Variants in L3MBTL4 observed in about 807,000 individuals in gnomAD.
L3MBTL4 encodes the protein lethal(3)malignant brain tumor-like protein 4.
Under a neutral mutation model 84.5 loss-of-function variants are expected in L3MBTL4, and 70 were observed. The ratio of observed to expected loss-of-function variants is 0.83; its 90% CI spans 0.68 to 1.01. The LOEUF is 1.01. L3MBTL4 is among the 50% of genes least tolerant of loss of function. The probability of loss-of-function intolerance (pLI) is 0.00; values close to 1 mark genes in which losing one functional copy is unlikely to be tolerated. For synonymous variants in L3MBTL4, 274 were observed against 259.8 expected, an observed-to-expected ratio of 1.05 and a Z score of -0.52; for missense variants, 715 against 754.8, an observed-to-expected ratio of 0.95 and a Z score of 0.62.
chr18:6,016,031 A>C (rs1473768409), intron 16 of L3MBTL4, among the ~76,000 whole-genome samples: 2 of 152,218 alleles, frequency 1.3e-5, no homozygotes, highest in African/African-American at 4.8e-5. Flanking sequence ...ACCACTGCGG[A>C]AGATGAACGC....
At chr18:6,264,329 G>C (rs187104080) in intron 4 of L3MBTL4, among the ~76,000 whole-genome samples, 1 of 152,234 alleles carries the variant, frequency 6.6e-6, no homozygotes, top group African/African-American at 2.4e-5. Context: ...TCTCTAAGAG[G>C]GTGAACAGGC....
At chr18:6,325,974 T>C (rs2051696462) in intron 1 of L3MBTL4, among the ~76,000 whole-genome samples, 1 of 152,206 alleles carries the variant, frequency 6.6e-6, no homozygotes, top group South Asian at 2.1e-4. Flanking sequence ...TCTCACCAGA[T>C]CTTTTGTAAG....
intron 4 of L3MBTL4, among the ~76,000 whole-genome samples, chr18:6,271,760 G>C (rs1599428953): frequency 1.3e-5 from 2 of 152,320 alleles, no homozygotes; most frequent in East Asian, 3.9e-4. Context: ...GAGGGAGGCA[G>C]CGTTGGAAGG....
intron 16 of L3MBTL4, among the ~76,000 whole-genome samples, chr18:5,972,912 T>C (rs752799600): frequency 4.3e-4 from 10 of 23,188 alleles, no homozygotes; most frequent in African/African-American, 3.8e-3. Context: ...TAGAATAGAA[T>C]AGAATAGAAT....
intron 4 of L3MBTL4, among the ~76,000 whole-genome samples, chr18:6,284,116 T>A (rs1284507891): frequency 6.6e-6 from 1 of 152,220 alleles, no homozygotes; most frequent in Non-Finnish European, 1.5e-5. Flanking sequence ...TTTGTTGTTG[T>A]TGTTTGGTAT....
At chr18:6,012,068 G>A (rs753069206) in intron 16 of L3MBTL4, among the ~76,000 whole-genome samples, 8 of 152,106 alleles carry the variant, frequency 5.3e-5, no homozygotes, top group South Asian at 2.1e-4. Context: ...TTAAACCTGC[G>A]GGCTGCTGGA....
At chr18:6,397,460 A>C (rs1040117541) in intron 1 of L3MBTL4, 3 of 152,204 alleles carry the variant, frequency 2.0e-5, no homozygotes, top group African/African-American at 4.8e-5. Context: ...CTTTATTTCA[A>C]ATATCACTGT....
At position 5,982,673 on chromosome 18, in the gene L3MBTL4, A is replaced by T. The variant is rs2053289054; in HGVS notation, c.1445-13111T>A. ...CATTTCAGATGCTAATTTTATACTCATAATAGCTGGCAAAAATGACATCTA... is the reference window on the plus strand; with the variant it reads ...CATTTCAGATGCTAATTTTATACTCTTAATAGCTGGCAAAAATGACATCTA... On this transcript the variant is annotated intron_variant, in intron 16 of 18. Coordinates refer to ENST00000317931, the MANE Select transcript of L3MBTL4 (RefSeq NM_001330559.2). 2.0e-5 allele frequency among the ~76,000 whole-genome samples: 3 copies of T among 152,220 alleles called. No homozygotes were observed. The South Asian group carries it at 6.2e-4, about 32-fold the overall frequency.
chr18:6,021,156 T>A (rs2055231903), intron 16 of L3MBTL4, among the ~76,000 whole-genome samples: 2 of 152,168 alleles, frequency 1.3e-5, no homozygotes, highest in African/African-American at 4.8e-5. Context: ...CTGGACACAG[T>A]CCTCGAGTTT....
At chr18:6,149,605 A>G (rs1225465204) in intron 13 of L3MBTL4, among the ~76,000 whole-genome samples, 2 of 152,082 alleles carry the variant, frequency 1.3e-5, no homozygotes, top group African/African-American at 4.8e-5. Flanking sequence ...CTAGTTCTAG[A>G]TCCCTGAGGA....
chr18:6,053,825 G>C (rs2056920808), intron 16 of L3MBTL4, among the ~76,000 whole-genome samples: 2 of 151,946 alleles, frequency 1.3e-5, no homozygotes, highest in East Asian at 3.9e-4. Context: ...CAGTCTAGTG[G>C]GCACATAAAT....
chr18:6,351,816 G>T (rs989515625), intron 1 of L3MBTL4, among the ~76,000 whole-genome samples: 3 of 152,238 alleles, frequency 2.0e-5, no homozygotes, highest in Middle Eastern at 6.8e-3. Context: ...CTCCCAAAGT[G>T]CTGGGATTAC....
intron 14 of L3MBTL4, among the ~76,000 whole-genome samples, chr18:6,105,785 A>T (rs1053225817): frequency 4.1e-5 from 6 of 147,084 alleles, no homozygotes. Context: ...GGGCAACAAG[A>T]GTGAAACTCT....
chr18:6,295,690 T>C (rs1241141918), intron 4 of L3MBTL4, among the ~76,000 whole-genome samples: 4 of 152,120 alleles, frequency 2.6e-5, no homozygotes, highest in Non-Finnish European at 5.9e-5. Context: ...GAAGTGCCCC[T>C]GCAAAAAGTT....
intron 15 of L3MBTL4, among the ~76,000 whole-genome samples, chr18:6,088,588 C>A (rs2058337706): frequency 6.6e-6 from 1 of 152,070 alleles, no homozygotes; most frequent in African/African-American, 2.4e-5. Flanking sequence ...GTAGACTCTA[C>A]CTCCCAAAGC....
intron 1 of L3MBTL4, among the ~76,000 whole-genome samples, chr18:6,383,522 C>A (rs1488153327): frequency 6.6e-6 from 1 of 152,108 alleles, no homozygotes; most frequent in African/African-American, 2.4e-5. Context: ...GTGCACAGTT[C>A]CTCAGGCTCA....
At position 6,213,148 on chromosome 18, in the gene L3MBTL4, C is replaced by T; in HGVS notation, c.981+1G>A. The T allele has an allele frequency of 2.6e-6, 4 of 1,528,492 alleles. No homozygotes were observed. The highest frequency in any genetic ancestry group is 3.6e-6 in the Non-Finnish European group (4 of 1,118,178). The allele number at this position is 1,528,492 out of a possible 1,614,324, so 94.7% of individuals were successfully genotyped here. A position where few individuals can be genotyped will look rare whatever the true frequency, so the allele number is the denominator to read the frequency against. On this transcript the variant is annotated splice_donor_variant, in intron 12 of 18. Transcript: ENST00000317931. LOFTEE classifies it high-confidence loss of function. ...ATAACATAATAATTTAAAATATGTACCTTTACTCTTTGGTCATCAACATCT... is the reference window on the plus strand; with the variant it reads ...ATAACATAATAATTTAAAATATGTATCTTTACTCTTTGGTCATCAACATCT...
In L3MBTL4 at chr18:6,213,192, A is replaced by C. The variant is rs1163299389; in HGVS notation, c.938T>G (p.Ile313Ser). The change falls in exon 12 of 19, where the codon ATT becomes AGT. Residue 313 changes from isoleucine to serine, a missense_variant. Transcript: ENST00000317931. ...EVVDKRNPRL[I>S]RVATIVDVDD... Reference sequence around the variant, plus strand: ...AACATCTACAATCGTAGCAACACGAATTAACCTGGGGTTCCGTTTATCCAC... The same window carrying C: ...AACATCTACAATCGTAGCAACACGACTTAACCTGGGGTTCCGTTTATCCAC... 1 of 1,610,192 alleles carries C rather than the reference A, an allele frequency of 6.2e-7. No homozygotes were observed. Among genetic ancestry groups the C allele is most frequent in the Non-Finnish European group, 8.5e-7 (1 of 1,178,700 alleles).
chr18:6,175,160 G>C (rs1381694602), intron 12 of L3MBTL4, among the ~76,000 whole-genome samples: 1 of 152,072 alleles, frequency 6.6e-6, no homozygotes, highest in Admixed American at 6.6e-5. Context: ...GAAAGCTAAA[G>C]GGAAACCCTG....
Sources: gnomAD v4.1 joint callset for allele counts (sites outside exome capture counted in the v4.1 genomes callset) on GRCh38, gnomAD v4.1.1 for gene constraint, MANE v1.5 for transcripts, NCBI Gene and HGNC (gene_info 2026-07-23, HGNC 2026-07-21) for gene names.